Variants in PTPN7 observed in about 807,000 individuals in gnomAD.
PTPN7 encodes tyrosine-protein phosphatase non-receptor type 7.
In PTPN7, 33 loss-of-function variants were observed where a neutral mutation model predicts 50.3. The ratio of observed to expected loss-of-function variants is 0.66; its 90% CI spans 0.50 to 0.88. PTPN7 has a LOEUF of 0.88. Among genes scored for constraint, PTPN7 ranks in the 40% least tolerant of loss-of-function variants. PTPN7 has a pLI of 0.00. For missense variants in PTPN7, 412 were observed against 475.4 expected (o/e 0.87, Z 1.24); for synonymous variants, 185 against 186.6 (o/e 0.99, Z 0.07).
rs1202954208 is a variant in PTPN7, at chr1:202,148,034, C to G, written c.*572G>C. The G allele has an allele frequency of 4.6e-5, 7 of 152,272 alleles. No individual in the cohort carries two copies. The highest frequency in any genetic ancestry group is 4.6e-4 in the Admixed American group (7 of 15,276). 9.4% of individuals were successfully genotyped at this position (152,272 alleles called of 1,614,324 possible). On this transcript the variant is annotated 3_prime_UTR_variant, in exon 10 of 10. Coordinates refer to ENST00000691036, the MANE Select transcript of PTPN7 (RefSeq NM_002832.4). ...GCCCTTCCGATGTGTGGTCAGGGAG[C>G]AGAGTCACTGATAGGATGTTGAGAC...
chr1:202,158,665 C>G, intron 2 of PTPN7: 2 of 199,472 alleles, frequency 1.0e-5, no homozygotes, highest in Non-Finnish European at 2.0e-5. Context: ...CTGTGCCTGA[C>G]CATATTTGCT....
Position 202,157,782 on chromosome 1 carries a change from G to T in PTPN7, c.348C>A (p.Ile116=). Residue 116 remains isoleucine (I), a synonymous_variant, in exon 4 of 10, where the codon ATC becomes ATA. Coordinates refer to ENST00000691036, the MANE Select transcript of PTPN7 (RefSeq NM_002832.4). The stretch of plus-strand genomic sequence containing the variant: ...ATCGGTCCTTGGAGGCGTGGCCAGG[G>T]ATGTCCAGGTCTTCGGGGCTGACAA... ...SNFVSPEDLD[I]PGHASKDRYK... 6.2e-7 allele frequency: 1 copy of T among 1,614,154 alleles called. No homozygotes were observed. The highest frequency in any genetic ancestry group is 8.5e-7 in the Non-Finnish European group (1 of 1,180,008).
At chr1:202,160,619 AAGGCTCC>A (rs1319927537), upstream of PTPN7, 8 of 1,550,314 alleles carry the variant, frequency 5.2e-6, no homozygotes, top group African/African-American at 2.7e-5. The surrounding 1 kb of genome is among the most constrained non-coding windows in gnomAD (Gnocchi z 4.8). Flanking sequence ...GAGGGCTGAG[AAGGCTCC>A]AGGAAGCCAG....
Position 202,159,779 on chromosome 1 carries a change from C to T in PTPN7, c.-52-325G>A. Reference sequence around the variant, plus strand: ...CTGAGCAGGTCCAAGTGGGAGAAGGCAAGGGAGGAAACAGAAAATATGTGT... The same window carrying T: ...CTGAGCAGGTCCAAGTGGGAGAAGGTAAGGGAGGAAACAGAAAATATGTGT... On this transcript the variant is annotated intron_variant, in intron 1 of 9. Transcript: ENST00000691036. This position sits in a 1 kb window ranked among gnomAD's most constrained non-coding sequence, Gnocchi z 4.6. The T allele has an allele frequency of 8.1e-7, 1 of 1,233,590 alleles. No homozygotes were observed. Among genetic ancestry groups the T allele is most frequent in the Non-Finnish European group, 1.0e-6 (1 of 985,870 alleles). The allele number at this position is 1,233,590 out of a possible 1,614,324, so 76.4% of individuals were successfully genotyped here.
At position 202,158,561 on chromosome 1, in the gene PTPN7, C is replaced by G. The variant is rs1656955862; in HGVS notation, c.123-260G>C. ...TTTTTTTTTTTTGGAGAGACAGTGT[C>G]TTGTTCTGTTGCTCAGGCTGGTTTT... On this transcript the variant is annotated intron_variant, in intron 2 of 9. Transcript: ENST00000691036. The G allele has an allele frequency of 1.2e-5, 5 of 400,242 alleles. No individual in the cohort carries two copies. The South Asian group carries it at 1.7e-4, about 14-fold the overall frequency. The allele number at this position is 400,242 out of a possible 1,614,324, so 24.8% of individuals were successfully genotyped here. A position where few individuals can be genotyped will look rare whatever the true frequency, so the allele number is the denominator to read the frequency against.
intron 8 of PTPN7, among the ~76,000 whole-genome samples, chr1:202,151,304 T>C (rs1271123173): frequency 6.6e-6 from 1 of 152,172 alleles, no homozygotes; most frequent in Non-Finnish European, 1.5e-5. Context: ...TGTATCCATT[T>C]TCACATTTCT....
rs1040402088 is a variant in PTPN7, at chr1:202,159,836, A to G, written c.-52-382T>C. On this transcript the variant is annotated intron_variant, in intron 1 of 9. Transcript: ENST00000691036. This position sits in a 1 kb window ranked among gnomAD's most constrained non-coding sequence, Gnocchi z 4.6. ...GGACGGAAGGGAGAAAGCACGCAGA[A>G]GCCATCTCTGAGCTAACCAGTGGGC... The G allele has an allele frequency of 9.1e-7, 1 of 1,098,708 alleles. No homozygotes were observed. 68.1% of individuals were successfully genotyped at this position (1,098,708 alleles called of 1,614,324 possible). A position where few individuals can be genotyped will look rare whatever the true frequency, so the allele number is the denominator to read the frequency against.
In PTPN7 at chr1:202,148,569, G is replaced by A. The variant is rs753944377; in HGVS notation, c.*37C>T. 1.9e-5 allele frequency: 30 copies of A among 1,581,170 alleles called. No individual in the cohort carries two copies. The highest frequency in any genetic ancestry group is 2.5e-5 in the Non-Finnish European group (29 of 1,151,716). ...CCAGACCCACCTTCCCAGGCTTGAGGGAGGTAGGCACCTGGGCCACCGGAG... is the reference window on the plus strand; with the variant it reads ...CCAGACCCACCTTCCCAGGCTTGAGAGAGGTAGGCACCTGGGCCACCGGAG... On this transcript the variant is annotated 3_prime_UTR_variant, in exon 10 of 10. Transcript: ENST00000691036.
At chr1:202,155,828 T>C (rs1249845039) in intron 4 of PTPN7, among the ~76,000 whole-genome samples, 1 of 152,220 alleles carries the variant, frequency 6.6e-6, no homozygotes, top group Non-Finnish European at 1.5e-5. Flanking sequence ...GGTGCGATCA[T>C]AGCTCACTGT....
Position 202,147,540 on chromosome 1 carries a change from G to T in PTPN7, c.*1066C>A, listed in dbSNP as rs1655460457. Reference sequence around the variant, plus strand: ...AGATTCAAGGAGGAGGAATCCTGAGGTGTGGCGTTCAGTCCTGAGGTAGAC... The same window carrying T: ...AGATTCAAGGAGGAGGAATCCTGAGTTGTGGCGTTCAGTCCTGAGGTAGAC... On this transcript the variant is annotated 3_prime_UTR_variant, in exon 10 of 10. Coordinates refer to ENST00000691036, the MANE Select transcript of PTPN7 (RefSeq NM_002832.4). 1 of 152,168 alleles carries T rather than the reference G, an allele frequency of 6.6e-6. No individual in the cohort carries two copies. Among genetic ancestry groups the T allele is most frequent in the Non-Finnish European group, 1.5e-5 (1 of 68,042 alleles). 9.4% of individuals were successfully genotyped at this position (152,168 alleles called of 1,614,324 possible). A position where few individuals can be genotyped will look rare whatever the true frequency, so the allele number is the denominator to read the frequency against.
At chr1:202,157,889 T>C in intron 3 of PTPN7, 66 bp from the exon 4 acceptor site, 1 of 1,516,462 alleles carries the variant, frequency 6.6e-7, no homozygotes, top group Non-Finnish European at 9.2e-7. Flanking sequence ...TCTACCTTTT[T>C]CTAGAACAGC....
At position 202,147,090 on chromosome 1, in the gene PTPN7, G is replaced by C. The variant is rs1334974298; in HGVS notation, c.*1516C>G. 6.6e-6 allele frequency: 1 copy of C among 152,114 alleles called. No individual in the cohort carries two copies. The highest frequency in any genetic ancestry group is 2.4e-5 in the African/African-American group (1 of 41,380). 9.4% of individuals were successfully genotyped at this position (152,114 alleles called of 1,614,324 possible). ...CTTGTACCCTCTGAGCTCTGAGATG[G>C]GGTTGGGGGGACAGTGCCAGGGAGG... On this transcript the variant is annotated 3_prime_UTR_variant, in exon 10 of 10. Coordinates refer to ENST00000691036, the MANE Select transcript of PTPN7 (RefSeq NM_002832.4).
rs758525656 is a variant in PTPN7 at position 202,158,273 on chromosome 1, C to G, written c.151G>C (p.Asp51His). 6.8e-6 allele frequency: 11 copies of G among 1,614,164 alleles called. No individual in the cohort carries two copies. The South Asian group carries it at 1.1e-4, about 16-fold the overall frequency. ...RRGSNVALML[D>H]VRSLGAVEPI... ...TCTACGGCCCCCAGGGACCGAACGT[C>G]CAGCATCAGAGCCACATTGGAGCCC... Residue 51 changes from aspartate (D) to histidine (H), a missense_variant, in exon 3 of 10, where the codon GAC (aspartate) becomes CAC (histidine). Transcript: ENST00000691036.
chr1:202,153,884 G>T, intron 6 of PTPN7, 49 bp from the exon 7 acceptor site: 1 of 1,473,080 alleles, frequency 6.8e-7, no homozygotes, highest in Non-Finnish European at 9.5e-7. Context: ...TGGAGCAGGT[G>T]ACAGGGCAGC....
chr1:202,153,702 G>GC, intron 7 of PTPN7, 23 bp downstream of exon 7: 1 of 1,594,574 alleles, frequency 6.3e-7, no homozygotes. Flanking sequence ...TTCCCACTGG[G>GC]CCTGGCTCCG....
Position 202,159,302 on chromosome 1 carries a change from T to C in PTPN7, c.101A>G (p.Lys34Arg). The part of the protein sequence containing the change: ...QPPPEKTPAK[K>R]HVRLQERRGS... ...TCACCTCTCCTGCAGTCGCACATGC[T>C]TCTTGGCTGGCGTTTTTTCAGGCGG... Residue 34 changes from lysine to arginine, a missense_variant, in exon 2 of 10, where the codon AAG becomes AGG. Coordinates refer to ENST00000691036, the MANE Select transcript of PTPN7 (RefSeq NM_002832.4). The surrounding 1 kb of genome is among the most constrained non-coding windows in gnomAD (Gnocchi z 4.6). 1 of 1,614,186 alleles carries C rather than the reference T, an allele frequency of 6.2e-7. No homozygotes were observed. Among genetic ancestry groups the C allele is most frequent in the East Asian group, 2.2e-5 (1 of 44,870 alleles).
At chr1:202,160,693 C>T (rs551375499), upstream of PTPN7, 80 of 1,550,544 alleles carry the variant, frequency 5.2e-5, 1 homozygote, top group South Asian at 9.0e-4. This position sits in a 1 kb window ranked among gnomAD's most constrained non-coding sequence, Gnocchi z 4.8. Flanking sequence ...TGCATTCTGC[C>T]CTCCTGTGCC....
chr1:202,152,644 TG>T lies in PTPN7; in HGVS notation c.772del (p.His258IlefsTer13). ...GGGCCCAGCTGATTCTGGTGTCTGA[TG>T]GTCTGGCCAGGCCGAAAAGAGGATG... ...KHILFSAWPD[H>X]QTPESAGPLL... On this transcript the variant is annotated frameshift_variant, in exon 8 of 10. Transcript: ENST00000691036. LOFTEE classifies it high-confidence loss of function. The T allele has an allele frequency of 6.2e-7, 1 of 1,614,086 alleles. No individual in the cohort carries two copies. Among genetic ancestry groups the T allele is most frequent in the Non-Finnish European group, 8.5e-7 (1 of 1,180,018 alleles).
chr1:202,157,927 T>TA, intron 3 of PTPN7, 104 bp from the exon 4 acceptor site: 1 of 1,346,842 alleles, frequency 7.4e-7, no homozygotes, highest in South Asian at 1.3e-5. Context: ...TTCTTGACAA[T>TA]AGTATGTAGG....
Sources: allele counts gnomAD v4.1 joint callset (sites outside exome capture counted in the v4.1 genomes callset), GRCh38; gene constraint gnomAD v4.1.1; non-coding constraint Gnocchi (gnomAD v3.1); transcripts MANE v1.5; gene names NCBI Gene and HGNC (gene_info 2026-07-23, HGNC 2026-07-21).